Variants in ARHGAP42 observed in about 807,000 individuals in gnomAD.
The protein encoded by ARHGAP42 is rho GTPase-activating protein 42.
A neutral mutation model predicts 125.0 loss-of-function variants in ARHGAP42; 63 were observed. That is an observed-to-expected ratio of 0.50 (90% CI 0.41 to 0.62). The LOEUF is 0.62. Ranked by LOEUF, ARHGAP42 falls within the 20% of genes least tolerant of loss-of-function variation. ARHGAP42 has a pLI of 0.00. For synonymous variants in ARHGAP42, 339 were observed against 351.0 expected (o/e 0.97, Z 0.38); for missense variants, 766 against 1,024.2 (o/e 0.75, Z 3.44).
chr11:100,900,772 G>T lies in ARHGAP42; in HGVS notation c.385-12680G>T, dbSNP rs574167762. On this transcript the variant is annotated intron_variant, in intron 4 of 23. Coordinates refer to ENST00000298815, the MANE Select transcript of ARHGAP42 (RefSeq NM_152432.4). ...TTTCAGCTCCATCAGGTCATTTAAG[G>T]TCTTCTCTACACTGTTTATTCTAGT... Among the ~76,000 whole-genome samples the T allele has an allele frequency of 1.3e-4, 20 of 152,170 alleles. No individual in the cohort carries two copies. In the South Asian group the frequency reaches 1.5e-3, roughly 11 times the overall value.
chr11:100,903,503 G>A (rs1448244266), intron 4 of ARHGAP42, among the ~76,000 whole-genome samples: 2 of 151,242 alleles, frequency 1.3e-5, no homozygotes, highest in Non-Finnish European at 2.9e-5. Flanking sequence ...CAAATATCCT[G>A]TCTGGTATGC....
At chr11:100,958,057 T>C (rs538344834) in intron 12 of ARHGAP42, among the ~76,000 whole-genome samples, 2 of 152,232 alleles carry the variant, frequency 1.3e-5, no homozygotes, top group African/African-American at 4.8e-5. Context: ...TGTCAGGAAC[T>C]TGCAGTTTTA....
chr11:100,725,054 G>C (rs1861830432), intron 1 of ARHGAP42, among the ~76,000 whole-genome samples: 1 of 151,984 alleles, frequency 6.6e-6, no homozygotes, highest in Admixed American at 6.6e-5. Context: ...AATTTCTTTG[G>C]AGATTTCTAC....
chr11:100,694,201 G>A (rs963850369), intron 1 of ARHGAP42, among the ~76,000 whole-genome samples: 1 of 152,084 alleles, frequency 6.6e-6, no homozygotes, highest in Non-Finnish European at 1.5e-5. Flanking sequence ...CCAGAGTGCT[G>A]GGATTACAGG....
At chr11:100,960,010 A>C in intron 13 of ARHGAP42, 65 bp downstream of exon 13, 33 of 1,361,324 alleles carry the variant, frequency 2.4e-5, no homozygotes, top group Non-Finnish European at 3.1e-5. Flanking sequence ...GAAAACTCTC[A>C]GAGTAGATAA....
intron 3 of ARHGAP42, among the ~76,000 whole-genome samples, chr11:100,809,986 A>G (rs1864096886): frequency 2.0e-5 from 3 of 152,116 alleles, no homozygotes. Context: ...AAGACTTAAA[A>G]TGAAAGAAAC....
chr11:100,701,974 T>C (rs1861404767), intron 1 of ARHGAP42, among the ~76,000 whole-genome samples: 1 of 152,134 alleles, frequency 6.6e-6, no homozygotes, highest in African/African-American at 2.4e-5. Flanking sequence ...CTCATGAAGT[T>C]TGATCATTTT....
intron 4 of ARHGAP42, among the ~76,000 whole-genome samples, chr11:100,912,083 T>G (rs569301227): frequency 6.6e-6 from 1 of 152,264 alleles, no homozygotes; most frequent in South Asian, 2.1e-4. Context: ...GATAGATTCT[T>G]GGAAGTATAA....
At chr11:100,819,116 G>A (rs890869212) in intron 3 of ARHGAP42, among the ~76,000 whole-genome samples, 2 of 152,150 alleles carry the variant, frequency 1.3e-5, no homozygotes, top group Non-Finnish European at 2.9e-5. Context: ...TCCCTAAACA[G>A]CAGGACTTTG....
chr11:100,869,937 T>G (rs12221922), intron 4 of ARHGAP42, among the ~76,000 whole-genome samples: 42,445 of 152,024 alleles, frequency 0.28, 6,115 homozygotes, highest in Non-Finnish European at 0.31. Context: ...CAAAAGATCT[T>G]CTTACTACAT....
chr11:100,881,167 A>G (rs113483152), intron 4 of ARHGAP42, among the ~76,000 whole-genome samples: 1,826 of 152,240 alleles, frequency 0.012, 43 homozygotes, highest in African/African-American at 0.041. Context: ...GCCTAAGCCA[A>G]TCTCTAGAAG....
intron 2 of ARHGAP42, among the ~76,000 whole-genome samples, chr11:100,791,391 G>A (rs1188947343): frequency 6.6e-6 from 1 of 152,146 alleles, no homozygotes. Flanking sequence ...GTTTAAGAAA[G>A]CACAGAAAGA....
intron 4 of ARHGAP42, among the ~76,000 whole-genome samples, chr11:100,865,159 T>C (rs182594290): frequency 1.9e-4 from 29 of 152,352 alleles, no homozygotes; most frequent in African/African-American, 6.5e-4. Flanking sequence ...CTGATAATTC[T>C]GGTCCCTTTG....
At chr11:100,796,990 A>G (rs903257963) in intron 3 of ARHGAP42, among the ~76,000 whole-genome samples, 3 of 152,080 alleles carry the variant, frequency 2.0e-5, no homozygotes, top group Admixed American at 2.0e-4. Flanking sequence ...GCTGGTCTTG[A>G]ACTCCTGACC....
chr11:100,987,467 C>T, intron 22 of ARHGAP42, 46 bp from the exon 23 acceptor site: 1 of 1,436,726 alleles, frequency 7.0e-7, no homozygotes, highest in Non-Finnish European at 9.6e-7. Context: ...TATAGATGTC[C>T]TTAGGTTGAG....
chr11:100,948,234 C>T (rs1868075222), intron 10 of ARHGAP42, among the ~76,000 whole-genome samples: 1 of 152,066 alleles, frequency 6.6e-6, no homozygotes, highest in South Asian at 2.1e-4. Flanking sequence ...ATTTTATCAC[C>T]TGTGATCATT....
chr11:100,858,086 GGTGTGTGTGT>G (rs201861404), intron 3 of ARHGAP42, among the ~76,000 whole-genome samples: 1 of 108,920 alleles, frequency 9.2e-6, no homozygotes, highest in South Asian at 2.8e-4. Flanking sequence ...TCTGGATAGG[GGTGTGTGTGT>G]GTGTGTGTGT....
intron 1 of ARHGAP42, among the ~76,000 whole-genome samples, chr11:100,748,379 G>T (rs1472418654): frequency 6.8e-6 from 1 of 147,986 alleles, no homozygotes; most frequent in Non-Finnish European, 1.5e-5. Flanking sequence ...TCAATCACCC[G>T]ACTGTCCTGA....
In ARHGAP42 at chr11:100,992,103, G is replaced by T; in HGVS notation, c.*3302G>T. 1.8e-6 allele frequency: 1 copy of T among 562,796 alleles called. No homozygotes were observed. Among genetic ancestry groups the T allele is most frequent in the Non-Finnish European group, 3.1e-6 (1 of 324,844 alleles). The allele number at this position is 562,796 out of a possible 1,614,324, so 34.9% of individuals were successfully genotyped here. A position where few individuals can be genotyped will look rare whatever the true frequency, so the allele number is the denominator to read the frequency against. On this transcript the variant is annotated 3_prime_UTR_variant, in exon 24 of 24. Coordinates refer to ENST00000298815, the MANE Select transcript of ARHGAP42 (RefSeq NM_152432.4). Reference sequence around the variant, plus strand: ...TGTTGAAAAGGGTATCATTCATGTGGTTTCAGTTTAGAAGAGTCCCTCAGA... The same window carrying T: ...TGTTGAAAAGGGTATCATTCATGTGTTTTCAGTTTAGAAGAGTCCCTCAGA...
Sources: allele counts gnomAD v4.1 joint callset (sites outside exome capture counted in the v4.1 genomes callset), GRCh38; gene constraint gnomAD v4.1.1; transcripts MANE v1.5; gene names NCBI Gene and HGNC (gene_info 2026-07-23, HGNC 2026-07-21).